BTBD9: variants seen among roughly 807,000 people sequenced by gnomAD.
BTBD9 encodes the protein BTB/POZ domain-containing protein 9.
A neutral mutation model predicts 64.3 loss-of-function variants in BTBD9; 49 were observed. The observed-to-expected ratio is 0.76, with a 90% confidence interval of 0.61 to 0.97. The LOEUF is 0.97. BTBD9 is among the 50% of genes least tolerant of loss of function. The pLI is 0.00. For synonymous variants in BTBD9, 260 were observed against 274.7 expected, an observed-to-expected ratio of 0.95 and a Z score of 0.53; for missense variants, 598 against 762.1, an observed-to-expected ratio of 0.78 and a Z score of 2.53.
intron 6 of BTBD9, among the ~76,000 whole-genome samples, chr6:38,464,658 G>A (rs1770261657): frequency 6.6e-6 from 1 of 152,052 alleles, no homozygotes; most frequent in Non-Finnish European, 1.5e-5. Context: ...ACCGCGCCTG[G>A]CTAAGTTTTG....
intron 6 of BTBD9, among the ~76,000 whole-genome samples, chr6:38,460,858 G>A (rs921166006): frequency 2.6e-5 from 4 of 152,010 alleles, no homozygotes. Flanking sequence ...CCTGACCTCA[G>A]GTGATCCGCC....
At chr6:38,314,055 G>A (rs534310345) in intron 7 of BTBD9, among the ~76,000 whole-genome samples, 3 of 151,586 alleles carry the variant, frequency 2.0e-5, no homozygotes, top group African/African-American at 7.3e-5. Flanking sequence ...AACTTTTAAT[G>A]TGATGTTGCT....
intron 8 of BTBD9, among the ~76,000 whole-genome samples, chr6:38,264,464 C>T (rs746253845): frequency 2.4e-4 from 36 of 152,236 alleles, no homozygotes; most frequent in Non-Finnish European, 4.0e-4. Flanking sequence ...TCACCTAATT[C>T]GGAAAAGTCC....
chr6:38,563,779 T>G (rs1775351909), intron 6 of BTBD9, among the ~76,000 whole-genome samples: 1 of 143,216 alleles, frequency 7.0e-6, no homozygotes, highest in African/African-American at 2.6e-5. Context: ...TATCTAACTT[T>G]TTTTTTTTTT....
At chr6:38,436,041 A>G (rs1415851598) in intron 6 of BTBD9, among the ~76,000 whole-genome samples, 1 of 151,934 alleles carries the variant, frequency 6.6e-6, no homozygotes. Context: ...AAAGTTAACA[A>G]TTTGGAGCAA....
At chr6:38,553,777 C>T (rs1482889465) in intron 6 of BTBD9, among the ~76,000 whole-genome samples, 2 of 151,900 alleles carry the variant, frequency 1.3e-5, no homozygotes, top group Non-Finnish European at 2.9e-5. Flanking sequence ...CAGTAGAGCC[C>T]AGCAGTTCAA....
At chr6:38,392,400 G>A (rs2127623745) in intron 6 of BTBD9, among the ~76,000 whole-genome samples, 1 of 152,318 alleles carries the variant, frequency 6.6e-6, no homozygotes, top group East Asian at 1.9e-4. Flanking sequence ...GCTAGAATGA[G>A]TGAGTCCCTC....
intron 1 of BTBD9, among the ~76,000 whole-genome samples, chr6:38,621,069 T>G (rs1480634197): frequency 6.6e-6 from 1 of 152,186 alleles, no homozygotes; most frequent in Non-Finnish European, 1.5e-5. Flanking sequence ...CTAAGGAAAT[T>G]GATATAGTAG....
intron 6 of BTBD9, among the ~76,000 whole-genome samples, chr6:38,485,914 A>G (rs1413709508): frequency 6.6e-6 from 1 of 152,194 alleles, no homozygotes; most frequent in Non-Finnish European, 1.5e-5. Flanking sequence ...TATTTCATCT[A>G]TCTTGAAAAT....
At chr6:38,282,751 G>A (rs747955391) in intron 8 of BTBD9, among the ~76,000 whole-genome samples, 12 of 152,138 alleles carry the variant, frequency 7.9e-5, no homozygotes, top group Non-Finnish European at 1.3e-4. Context: ...CATCCCCAGA[G>A]GACTTACTGT....
chr6:38,599,101 C>T (rs961292985), intron 1 of BTBD9, among the ~76,000 whole-genome samples: 12 of 152,076 alleles, frequency 7.9e-5, no homozygotes, highest in African/African-American at 2.4e-4. Flanking sequence ...CCAATGTTTA[C>T]CAGAACATCA....
intron 6 of BTBD9, among the ~76,000 whole-genome samples, chr6:38,546,539 G>C (rs1774561421): frequency 6.6e-6 from 1 of 152,112 alleles, no homozygotes; most frequent in Non-Finnish European, 1.5e-5. Flanking sequence ...ACTCCATTTT[G>C]AGCAAGTATA....
chr6:38,617,231 C>G (rs142383606), intron 1 of BTBD9, among the ~76,000 whole-genome samples: 9 of 152,276 alleles, frequency 5.9e-5, no homozygotes, highest in Non-Finnish European at 1.2e-4. Flanking sequence ...CGAGGGTCAA[C>G]AGAGAGGAAA....
At chr6:38,529,869 C>A (rs1011307851) in intron 6 of BTBD9, among the ~76,000 whole-genome samples, 3 of 152,022 alleles carry the variant, frequency 2.0e-5, no homozygotes, top group South Asian at 2.1e-4. Flanking sequence ...AGAATAACAG[C>A]GATTTTTAGG....
chr6:38,626,323 CT>C (rs559609007), intron 1 of BTBD9, among the ~76,000 whole-genome samples: 3 of 152,170 alleles, frequency 2.0e-5, no homozygotes, highest in Non-Finnish European at 4.4e-5. Flanking sequence ...CAATTATACT[CT>C]TTTTAGTTAT....
intron 9 of BTBD9, among the ~76,000 whole-genome samples, chr6:38,219,483 A>C (rs949547805): frequency 3.3e-5 from 5 of 151,822 alleles, no homozygotes; most frequent in Non-Finnish European, 7.4e-5. Context: ...TCTTTACTGA[A>C]TCACCCACCT....
At chr6:38,447,518 A>G (rs191251624) in intron 6 of BTBD9, among the ~76,000 whole-genome samples, 70 of 152,356 alleles carry the variant, frequency 4.6e-4, no homozygotes, top group Admixed American at 1.7e-3. Context: ...AGAAGAAACA[A>G]GAGCTCTAAC....
At chr6:38,349,608 T>C (rs1233131740) in intron 6 of BTBD9, among the ~76,000 whole-genome samples, 1 of 152,156 alleles carries the variant, frequency 6.6e-6, no homozygotes, top group African/African-American at 2.4e-5. Flanking sequence ...TTACCATAGG[T>C]ATGCATGCAT....
chr6:38,432,289 A>AC (rs2127296695), intron 6 of BTBD9, among the ~76,000 whole-genome samples: 1 of 152,144 alleles, frequency 6.6e-6, no homozygotes, highest in Admixed American at 6.5e-5. Flanking sequence ...AAAGATCATG[A>AC]CAGTGAGAGA....
Sources: gnomAD v4.1 joint callset for allele counts (sites outside exome capture counted in the v4.1 genomes callset) on GRCh38, gnomAD v4.1.1 for gene constraint, MANE v1.5 for transcripts, NCBI Gene and HGNC (gene_info 2026-07-23, HGNC 2026-07-21) for gene names.